The following PCSK5 variants were observed in gnomAD, a reference collection of about 807,000 sequenced individuals.
PCSK5 encodes the protein prohormone convertase 5.
PCSK5 carries 129 observed loss-of-function variants against 233.2 expected under a neutral mutation model. The observed-to-expected ratio is 0.55, with a 90% CI of 0.48 to 0.64. The LOEUF (loss-of-function observed/expected upper bound fraction) is 0.64, where lower values mean the gene tolerates loss of function less well. PCSK5 is among the 30% of genes least tolerant of loss of function. The pLI, the probability that PCSK5 is intolerant of heterozygous loss-of-function variation, is 0.00. For synonymous variants in PCSK5, 825 were observed against 879.2 expected (o/e 0.94, Z 1.09); for missense variants, 2,076 against 2,430.1 (o/e 0.85, Z 3.06).
chr9:76,242,129 T>A (rs1245575894), intron 24 of PCSK5, among the ~76,000 whole-genome samples: 1 of 152,210 alleles, frequency 6.6e-6, no homozygotes, highest in African/African-American at 2.4e-5. Context: ...ATTTAGGGGA[T>A]ACATGTGATA....
intron 28 of PCSK5, among the ~76,000 whole-genome samples, chr9:76,302,758 A>C (rs1299728217): frequency 6.6e-6 from 1 of 152,228 alleles, no homozygotes; most frequent in African/African-American, 2.4e-5. Context: ...AACCGTGTGA[A>C]TAGATACAGC....
At chr9:76,038,529 G>C (rs1200717924) in intron 5 of PCSK5, among the ~76,000 whole-genome samples, 1 of 152,148 alleles carries the variant, frequency 6.6e-6, no homozygotes, top group Non-Finnish European at 1.5e-5. Context: ...AAAGGAGTGG[G>C]AAATAGGTGT....
chr9:76,293,915 T>C (rs1454975573), intron 25 of PCSK5, among the ~76,000 whole-genome samples: 1 of 152,234 alleles, frequency 6.6e-6, no homozygotes, highest in Non-Finnish European at 1.5e-5. Context: ...TAGACATTGT[T>C]GCTGGGCGTG....
At chr9:76,094,590 T>C (rs1259695697) in intron 7 of PCSK5, among the ~76,000 whole-genome samples, 2 of 152,178 alleles carry the variant, frequency 1.3e-5, no homozygotes, top group Admixed American at 6.5e-5. Context: ...TCCTTGATTA[T>C]TGAGGACTTT....
At chr9:75,962,049 T>G (rs534576798) in intron 2 of PCSK5, among the ~76,000 whole-genome samples, 2 of 152,228 alleles carry the variant, frequency 1.3e-5, no homozygotes, top group East Asian at 3.9e-4. Flanking sequence ...AATAAACAGA[T>G]AAACATAAAT....
At chr9:75,966,351 G>C (rs746056193) in intron 2 of PCSK5, among the ~76,000 whole-genome samples, 3 of 152,132 alleles carry the variant, frequency 2.0e-5, no homozygotes, top group Non-Finnish European at 2.9e-5. Context: ...ACTGTATTTT[G>C]AACAGTGTGT....
intron 8 of PCSK5, among the ~76,000 whole-genome samples, chr9:76,105,453 A>C (rs2131675810): frequency 6.6e-6 from 1 of 152,354 alleles, no homozygotes; most frequent in African/African-American, 2.4e-5. Flanking sequence ...GTGATATTGT[A>C]CAAGCTTGTA....
At chr9:76,007,493 A>G (rs1827528613) in intron 3 of PCSK5, among the ~76,000 whole-genome samples, 1 of 152,192 alleles carries the variant, frequency 6.6e-6, no homozygotes, top group Admixed American at 6.5e-5. Context: ...TAAGTCTCCT[A>G]GTTCAAAAGA....
At chr9:75,934,971 A>G (rs1190716250) in intron 2 of PCSK5, among the ~76,000 whole-genome samples, 8 of 152,180 alleles carry the variant, frequency 5.3e-5, no homozygotes, top group Admixed American at 2.6e-4. Flanking sequence ...AAGAATTTCT[A>G]TATACTCTTC....
rs1052187677 is a variant in PCSK5, at chr9:76,101,403, TAA to T, written c.1107+5303_1107+5304del. Reference sequence around the variant, plus strand: ...TGCCAGCAGGAATCCTGCAACATGATAAAGCTGTTCATGTAACCTGTTTTTAG... The same window carrying T: ...TGCCAGCAGGAATCCTGCAACATGATAGCTGTTCATGTAACCTGTTTTTAG... On this transcript the variant is annotated intron_variant, in intron 8 of 37. Coordinates refer to ENST00000674117, the MANE Select transcript of PCSK5 (RefSeq NM_001372043.1). Among the ~76,000 whole-genome samples, 18 of 152,194 alleles carry T rather than the reference TAA, an allele frequency of 1.2e-4. 1 individual carries two copies. The highest frequency in any genetic ancestry group is 2.6e-4 in the Non-Finnish European group (18 of 68,034).
chr9:76,259,784 C>T (rs1282296472), intron 24 of PCSK5, among the ~76,000 whole-genome samples: 4 of 152,032 alleles, frequency 2.6e-5, no homozygotes, highest in East Asian at 1.9e-4. Flanking sequence ...GATTTGAAAG[C>T]GCCCTTGTGG....
Position 76,358,565 on chromosome 9 carries a change from G to T in PCSK5, c.5307G>T (p.Lys1769Asn). 1 of 1,612,704 alleles carries T rather than the reference G, an allele frequency of 6.2e-7. No homozygotes were observed. The highest frequency in any genetic ancestry group is 8.5e-7 in the Non-Finnish European group (1 of 1,179,800). Residue 1769 changes from lysine to asparagine, a missense_variant, in exon 38 of 38, where the codon AAG becomes AAT. Transcript: ENST00000674117. ...TTAGGCCTGCAACTGAGCATTTCAA[G>T]ACAGCTCTGTTCATCACCTCCTCCA... ...SKVRPATEHF[K>N]TALFITSSMM...
intron 24 of PCSK5, among the ~76,000 whole-genome samples, chr9:76,261,066 G>A (rs1337407112): frequency 6.6e-6 from 1 of 152,084 alleles, no homozygotes; most frequent in Non-Finnish European, 1.5e-5. Flanking sequence ...CACCTTCAAG[G>A]TCCAGGTGTT....
intron 29 of PCSK5, among the ~76,000 whole-genome samples, chr9:76,309,576 C>A (rs1388269428): frequency 6.6e-6 from 1 of 152,026 alleles, no homozygotes; most frequent in African/African-American, 2.4e-5. Flanking sequence ...TGCCTGTAAT[C>A]CCAGGCTACG....
rs1230191426 is a variant in PCSK5, at chr9:76,325,644, C to CTTTCTTTTTTTTTTTT, written c.4339+2359_4339+2360insCTTTTTTTTTTTTTTT. Among the ~76,000 whole-genome samples, 91 of 150,442 alleles carry CTTTCTTTTTTTTTTTT rather than the reference C, an allele frequency of 6.0e-4. 2 individuals are homozygous for CTTTCTTTTTTTTTTTT. Among genetic ancestry groups the CTTTCTTTTTTTTTTTT allele is most frequent in the African/African-American group, 1.8e-3 (72 of 40,618 alleles). ...TCTCCCTACAATGACATTGCACTTT[C>CTTTCTTTTTTTTTTTT]TTTTTTTTGAGACGGAGTTTTGCTC... is the stretch of plus-strand genomic sequence containing the variant. On this transcript the variant is annotated intron_variant, in intron 32 of 37. Transcript: ENST00000674117.
chr9:76,265,932 G>A (rs915055366), intron 24 of PCSK5, among the ~76,000 whole-genome samples: 1 of 152,076 alleles, frequency 6.6e-6, no homozygotes, highest in Admixed American at 6.5e-5. Flanking sequence ...AATTCTCTTT[G>A]CAATCCTGTA....
intron 35 of PCSK5, among the ~76,000 whole-genome samples, chr9:76,341,484 A>C (rs866693306): frequency 8.5e-5 from 13 of 152,134 alleles, no homozygotes; most frequent in African/African-American, 2.9e-4. Context: ...AATAGAGACG[A>C]TGTCTCGCCA....
intron 23 of PCSK5, among the ~76,000 whole-genome samples, chr9:76,240,264 C>A (rs1477906289): frequency 6.6e-6 from 1 of 152,116 alleles, no homozygotes; most frequent in East Asian, 1.9e-4. Context: ...TTTAGTAGCA[C>A]AGATAGAAAG....
At chr9:75,998,918 A>G (rs1827140806) in intron 3 of PCSK5, among the ~76,000 whole-genome samples, 2 of 152,200 alleles carry the variant, frequency 1.3e-5, no homozygotes, top group South Asian at 4.1e-4. Flanking sequence ...ATCACATAAA[A>G]AATTAATTTG....
Sources: gnomAD v4.1 joint callset for allele counts (sites outside exome capture counted in the v4.1 genomes callset) on GRCh38, gnomAD v4.1.1 for gene constraint, MANE v1.5 for transcripts, NCBI Gene and HGNC (gene_info 2026-07-23, HGNC 2026-07-21) for gene names.